The following MAGI2 variants were observed in gnomAD, a reference collection of about 807,000 sequenced individuals.
The protein encoded by MAGI2 is membrane-associated guanylate kinase, WW and PDZ domain-containing protein 2.
A neutral mutation model predicts 133.3 loss-of-function variants in MAGI2; 35 were observed. That is an observed-to-expected ratio of 0.26 (90% CI 0.20 to 0.35). The LOEUF (loss-of-function observed/expected upper bound fraction) is 0.35. Ranked by LOEUF, MAGI2 falls within the 10% of genes least tolerant of loss-of-function variation. The pLI is 1.00. For synonymous variants in MAGI2, 729 were observed against 710.6 expected (o/e 1.03, Z -0.41); for missense variants, 1,636 against 1,863.4 (o/e 0.88, Z 2.25).
chr7:79,096,587 G>A (rs1343878048), intron 1 of MAGI2, among the ~76,000 whole-genome samples: 2 of 152,076 alleles, frequency 1.3e-5, no homozygotes. Flanking sequence ...CAAACATTTA[G>A]ACCTGCCAAT....
At chr7:78,431,936 T>A (rs961871734) in intron 6 of MAGI2, among the ~76,000 whole-genome samples, 6 of 152,090 alleles carry the variant, frequency 3.9e-5, no homozygotes, top group Non-Finnish European at 8.8e-5. Context: ...TTTAGATAGT[T>A]AAGTGAACTT....
intron 16 of MAGI2, among the ~76,000 whole-genome samples, chr7:78,137,249 GT>G (rs766482005): frequency 2.0e-5 from 3 of 152,142 alleles, no homozygotes; most frequent in Non-Finnish European, 2.9e-5. Context: ...GCCATAATGT[GT>G]ATATTGTTAT....
intron 2 of MAGI2, among the ~76,000 whole-genome samples, chr7:78,858,074 T>C (rs757143289): frequency 6.6e-6 from 1 of 152,224 alleles, no homozygotes; most frequent in Non-Finnish European, 1.5e-5. Flanking sequence ...TGGTAGTTTG[T>C]ATTTCTTTGG....
At chr7:79,355,712 C>T (rs922415312) in intron 1 of MAGI2, among the ~76,000 whole-genome samples, 1 of 152,162 alleles carries the variant, frequency 6.6e-6, no homozygotes, top group African/African-American at 2.4e-5. Context: ...TAGAGTTCTA[C>T]CTATTTTTAT....
intron 1 of MAGI2, among the ~76,000 whole-genome samples, chr7:79,019,610 T>C (rs1363452744): frequency 1.3e-5 from 2 of 151,958 alleles, no homozygotes; most frequent in African/African-American, 4.8e-5. Context: ...GCAGTGGTGA[T>C]CTCAGCTCGC....
intron 1 of MAGI2, among the ~76,000 whole-genome samples, chr7:79,137,693 A>G (rs1180868316): frequency 2.0e-5 from 3 of 151,742 alleles, no homozygotes; most frequent in African/African-American, 7.3e-5. Flanking sequence ...CCAGCCTGCC[A>G]ACATGGTGAT....
intron 1 of MAGI2, among the ~76,000 whole-genome samples, chr7:79,409,531 T>A (rs1234466949): frequency 6.6e-6 from 1 of 152,030 alleles, no homozygotes; most frequent in Non-Finnish European, 1.5e-5. Context: ...AAATATTCTA[T>A]TTACTGAGAA....
chr7:78,093,594 G>C (rs1208744604), intron 20 of MAGI2, among the ~76,000 whole-genome samples: 1 of 152,180 alleles, frequency 6.6e-6, no homozygotes, highest in Non-Finnish European at 1.5e-5. Flanking sequence ...TGATATAAGA[G>C]GCGCCCTCCA....
In MAGI2 at chr7:78,331,146, T is replaced by C. The variant is rs533213905; in HGVS notation, c.1408+12632A>G. On this transcript the variant is annotated intron_variant, in intron 9 of 21. Coordinates refer to ENST00000354212, the MANE Select transcript of MAGI2 (RefSeq NM_012301.4). ...AATACTACATGTTCTCACTTACAAG[T>C]GGAAGTTAAACATTGGGTACATATG... 3.3e-5 allele frequency among the ~76,000 whole-genome samples: 5 copies of C among 152,160 alleles called. 1 individual carries two copies. Among genetic ancestry groups the C allele is most frequent in the Middle Eastern group, 3.4e-3 (1 of 294 alleles).
chr7:79,388,568 A>G (rs1844365439), intron 1 of MAGI2, among the ~76,000 whole-genome samples: 1 of 151,784 alleles, frequency 6.6e-6, no homozygotes, highest in Non-Finnish European at 1.5e-5. Flanking sequence ...TAAAGTATGT[A>G]AATGTAATTA....
intron 3 of MAGI2, among the ~76,000 whole-genome samples, chr7:78,549,407 A>G (rs1281128715): frequency 6.6e-6 from 1 of 151,686 alleles, no homozygotes; most frequent in Non-Finnish European, 1.5e-5. Flanking sequence ...TGCATTCTAG[A>G]TAAGAATTAT....
At chr7:78,396,257 G>A (rs1796336073) in intron 6 of MAGI2, among the ~76,000 whole-genome samples, 1 of 152,100 alleles carries the variant, frequency 6.6e-6, no homozygotes, top group African/African-American at 2.4e-5. Context: ...ACCCTCCCAT[G>A]TGATTCAGGA....
chr7:78,557,535 C>T (rs1799956953), intron 3 of MAGI2, among the ~76,000 whole-genome samples: 1 of 152,144 alleles, frequency 6.6e-6, no homozygotes, highest in Non-Finnish European at 1.5e-5. Context: ...AGTGATGGTA[C>T]TATGAAACAC....
intron 1 of MAGI2, among the ~76,000 whole-genome samples, chr7:79,042,636 T>C (rs1029144247): frequency 1.3e-5 from 2 of 152,170 alleles, no homozygotes; most frequent in Admixed American, 1.3e-4. Context: ...CACACAACAA[T>C]AGTGGGAGAC....
At chr7:79,433,277 C>T (rs751183714) in intron 1 of MAGI2, among the ~76,000 whole-genome samples, 1 of 152,014 alleles carries the variant, frequency 6.6e-6, no homozygotes, top group Non-Finnish European at 1.5e-5. Context: ...TTTGGCCAGG[C>T]GCGGTGGCTC....
chr7:79,093,581 C>T (rs958786338), intron 1 of MAGI2, among the ~76,000 whole-genome samples: 1 of 152,114 alleles, frequency 6.6e-6, no homozygotes, highest in African/African-American at 2.4e-5. Context: ...CAGCAAGCCA[C>T]AATCTTCTTG....
chr7:79,181,067 T>A (rs1826574484), intron 1 of MAGI2, among the ~76,000 whole-genome samples: 1 of 151,820 alleles, frequency 6.6e-6, no homozygotes, highest in Admixed American at 6.6e-5. Flanking sequence ...GCTTTCATGG[T>A]CTGGCATTGA....
chr7:78,167,058 C>G (rs1171941563), intron 15 of MAGI2, among the ~76,000 whole-genome samples: 1 of 151,872 alleles, frequency 6.6e-6, no homozygotes, highest in East Asian at 1.9e-4. Context: ...AGGGGTCAAG[C>G]AGAGAAGCCA....
At chr7:78,999,203 A>G (rs73377202) in intron 2 of MAGI2, among the ~76,000 whole-genome samples, 221 of 152,302 alleles carry the variant, frequency 1.5e-3, no homozygotes, top group African/African-American at 4.6e-3. Context: ...AACAAAGGAA[A>G]GATTGTGTCA....
Sources: gnomAD v4.1 joint callset for allele counts (sites outside exome capture counted in the v4.1 genomes callset) on GRCh38, gnomAD v4.1.1 for gene constraint, MANE v1.5 for transcripts, NCBI Gene and HGNC (gene_info 2026-07-23, HGNC 2026-07-21) for gene names.